The following CDKN2A variants were observed in gnomAD, a reference collection of about 807,000 sequenced individuals.
The protein encoded by CDKN2A is cyclin-dependent kinase inhibitor 2A.
In CDKN2A, 3 loss-of-function variants were observed where a neutral mutation model predicts 11.1. The observed-to-expected ratio is 0.27, with a 90% CI of 0.12 to 0.70. The LOEUF (loss-of-function observed/expected upper bound fraction) is 0.70, where lower values mean the gene tolerates loss of function less well. Ranked by LOEUF, CDKN2A falls within the 30% of genes least tolerant of loss-of-function variation. CDKN2A has a pLI of 0.77. For missense variants in CDKN2A, 265 were observed against 233.6 expected (o/e 1.13, Z -0.88); for synonymous variants, 122 against 108.1 (o/e 1.13, Z -0.80).
Position 21,991,826 on chromosome 9 carries a change from T to C in CDKN2A, c.-4+2056A>G. 12 of 985,162 alleles carry C rather than the reference T, an allele frequency of 1.2e-5. No homozygotes were observed. The highest frequency in any genetic ancestry group is 1.3e-5 in the Non-Finnish European group (11 of 829,672). The allele number at this position is 985,162 out of a possible 1,614,324, so 61.0% of individuals were successfully genotyped here. A position where few individuals can be genotyped will look rare whatever the true frequency, so the allele number is the denominator to read the frequency against. ...GGGCTATGGTTCACTTGGAACACAATACAAACTGTGAATCATGTACACATG... is the reference window on the plus strand; with the variant it reads ...GGGCTATGGTTCACTTGGAACACAACACAAACTGTGAATCATGTACACATG... On this transcript the variant is annotated intron_variant, in intron 2 of 3. Coordinates refer to the CDKN2A transcript ENST00000494262. This position sits in a 1 kb window ranked among gnomAD's most constrained non-coding sequence, Gnocchi z 5.2.
chr9:21,972,776 G>A (rs1245303258), intron 1 of CDKN2A, among the ~76,000 whole-genome samples: 2 of 152,140 alleles, frequency 1.3e-5, no homozygotes, highest in African/African-American at 2.4e-5. Flanking sequence ...TTAAAATACT[G>A]TCTGCAGTCA....
intron 1 of CDKN2A, among the ~76,000 whole-genome samples, chr9:21,971,574 G>C (rs189146471): frequency 3.7e-5 from 2 of 54,088 alleles, no homozygotes; most frequent in African/African-American, 3.2e-4. Context: ...TAGGCCTGGA[G>C]ATTTTTTTTT....
At position 21,968,519 on chromosome 9, in the gene CDKN2A, C is replaced by T; in HGVS notation, c.458-277G>A. 6.9e-7 allele frequency: 1 copy of T among 1,450,640 alleles called. No homozygotes were observed. Among genetic ancestry groups the T allele is most frequent in the African/African-American group, 1.4e-5 (1 of 70,244 alleles). The allele number at this position is 1,450,640 out of a possible 1,614,324, so 89.9% of individuals were successfully genotyped here. On this transcript the variant is annotated intron_variant, in intron 2 of 2. Coordinates refer to ENST00000304494, the MANE Select transcript of CDKN2A (RefSeq NM_000077.5). This position sits in a 1 kb window ranked among gnomAD's most constrained non-coding sequence, Gnocchi z 4.7. ...GCAGAGAAAGCGCGACCGCGCGGCC[C>T]GCAGGGTTGCAAGAAGAAAACGAGT...
intron 1 of CDKN2A, among the ~76,000 whole-genome samples, chr9:21,972,523 C>T (rs2131102574): frequency 6.6e-6 from 1 of 152,246 alleles, no homozygotes; most frequent in African/African-American, 2.4e-5. Flanking sequence ...AAACAGATTG[C>T]CCCTTAGAGT....
upstream of CDKN2A, among the ~76,000 whole-genome samples, chr9:21,978,588 A>G (rs1820095970): frequency 6.6e-6 from 1 of 152,228 alleles, no homozygotes; most frequent in Non-Finnish European, 1.5e-5. Context: ...TGTTATTATT[A>G]TTCTCACACT....
At chr9:21,973,621 G>A (rs1034963573) in intron 1 of CDKN2A, among the ~76,000 whole-genome samples, 1 of 152,134 alleles carries the variant, frequency 6.6e-6, no homozygotes, top group Non-Finnish European at 1.5e-5. Context: ...CAAAACAGGA[G>A]TAGGGAGAGG....
intron 1 of CDKN2A, chr9:21,971,546 T>A (rs1819752054): frequency 2.8e-6 from 1 of 353,376 alleles, no homozygotes; most frequent in East Asian, 5.2e-5. Flanking sequence ...CTACTGAAAT[T>A]TCTTCCTGAA....
chr9:21,970,598 C>T (rs1819659609), intron 2 of CDKN2A: 1 of 588,944 alleles, frequency 1.7e-6, no homozygotes, highest in South Asian at 2.0e-5. Context: ...CCTCTTGAGT[C>T]TTCATTGCTC....
At chr9:21,994,649 T>G in intron 1 of CDKN2A, 1 of 315,272 alleles carries the variant, frequency 3.2e-6, no homozygotes, top group Non-Finnish European at 5.8e-6. Flanking sequence ...CCCGCGTTCC[T>G]CTCCCTCCCG....
At position 21,991,789 on chromosome 9, in the gene CDKN2A, T is replaced by G. The variant is rs1238328172; in HGVS notation, c.-4+2093A>C. The G allele has an allele frequency of 4.1e-5, 40 of 985,102 alleles. No homozygotes were observed. Among genetic ancestry groups the G allele is most frequent in the Non-Finnish European group, 4.6e-5 (38 of 829,778 alleles). The allele number at this position is 985,102 out of a possible 1,614,324, so 61.0% of individuals were successfully genotyped here. A position where few individuals can be genotyped will look rare whatever the true frequency, so the allele number is the denominator to read the frequency against. ...AAAGAAGTAAAATGAATATAAGTCT[T>G]GATTTCTGAAAGGGCTATGGTTCAC... On this transcript the variant is annotated intron_variant, in intron 2 of 3. Coordinates refer to the CDKN2A transcript ENST00000494262. This position sits in a 1 kb window ranked among gnomAD's most constrained non-coding sequence, Gnocchi z 5.2.
At position 21,970,989 on chromosome 9, in the gene CDKN2A, G is replaced by A. The variant is rs34170727; in HGVS notation, c.370C>T (p.Arg124Cys). 4.5e-5 allele frequency: 73 copies of A among 1,610,132 alleles called. No homozygotes were observed. In the South Asian group the frequency reaches 5.8e-4, roughly 13 times the overall value. Reference protein sequence around the residue: ...PVDLAEELGHRDVARYLRAAA... With the variant: ...PVDLAEELGHCDVARYLRAAA... Reference sequence around the variant, plus strand: ...GCGCGCAGGTACCGTGCGACATCGCGATGGCCCAGCTCCTCAGCCAGGTCC... The same window carrying A: ...GCGCGCAGGTACCGTGCGACATCGCAATGGCCCAGCTCCTCAGCCAGGTCC... The change falls in exon 2 of 3, where the codon CGC becomes TGC. Residue 124 changes from arginine to cysteine, a missense_variant. Coordinates refer to ENST00000304494, the MANE Select transcript of CDKN2A (RefSeq NM_000077.5).
rs1320346624 is a variant in CDKN2A at position 21,970,889 on chromosome 9, C to T, written c.457+13G>A. 1.2e-6 allele frequency: 2 copies of T among 1,610,308 alleles called. No individual in the cohort carries two copies. The highest frequency in any genetic ancestry group is 1.7e-6 in the Non-Finnish European group (2 of 1,179,868). ...GCTCTCAGGGTACAAATTCTCAGAT[C>T]ATCAGTCCTCACCTGAGGGACCTTC... On this transcript the variant is annotated intron_variant, in intron 2 of 2. Coordinates refer to ENST00000304494, the MANE Select transcript of CDKN2A (RefSeq NM_000077.5).
chr9:21,971,399 C>T (rs1819741231), intron 1 of CDKN2A, 191 bp from the exon 2 acceptor site: 1 of 1,446,858 alleles, frequency 6.9e-7, no homozygotes, highest in Admixed American at 2.6e-5. Flanking sequence ...ACAATGAATT[C>T]CATTATATCC....
At chr9:21,994,701 C>T (rs1341583500) in intron 1 of CDKN2A, 1 of 260,228 alleles carries the variant, frequency 3.8e-6, no homozygotes, top group African/African-American at 2.3e-5. Context: ...CCCACCCCCA[C>T]CACCATCTTC....
chr9:21,993,798 A>C, intron 2 of CDKN2A: 1 of 279,996 alleles, frequency 3.6e-6, no homozygotes, highest in Non-Finnish European at 6.3e-6. Context: ...CACCTTTCCT[A>C]CTGTGTGTGT....
Position 21,968,890 on chromosome 9 carries a change from A to G in CDKN2A, c.458-648T>C. On this transcript the variant is annotated intron_variant, in intron 2 of 2. Coordinates refer to ENST00000304494, the MANE Select transcript of CDKN2A (RefSeq NM_000077.5). This position sits in a 1 kb window ranked among gnomAD's most constrained non-coding sequence, Gnocchi z 4.7. ...TCTCCCGAGGCAGCATTTACACTTG[A>G]GAGTCTCAAGATTATTTTATTCCTG... is the stretch of plus-strand genomic sequence containing the variant. 1 of 938,534 alleles carries G rather than the reference A, an allele frequency of 1.1e-6. No individual in the cohort carries two copies. The highest frequency in any genetic ancestry group is 1.7e-6 in the Non-Finnish European group (1 of 605,762). The allele number at this position is 938,534 out of a possible 1,614,324, so 58.1% of individuals were successfully genotyped here. A position where few individuals can be genotyped will look rare whatever the true frequency, so the allele number is the denominator to read the frequency against.
intron 1 of CDKN2A, among the ~76,000 whole-genome samples, chr9:21,973,264 G>C (rs1008585856): frequency 6.6e-6 from 1 of 151,994 alleles, no homozygotes; most frequent in African/African-American, 2.4e-5. Context: ...AAAATGTGTA[G>C]GATGCTTAAA....
rs557274315 is a variant in CDKN2A at position 21,994,374 on chromosome 9, G to A, written c.-175-321C>T. ...GGCCGAGCTCGGCAGCCGCTGCGCC[G>A]CCCTTTGGCACCAGAGGTGAGCAGC... On this transcript the variant is annotated intron_variant, in intron 1 of 3. Transcript: ENST00000494262. 6.2e-6 allele frequency: 10 copies of A among 1,607,404 alleles called. No homozygotes were observed. The Admixed American group carries it at 1.7e-4, about 27-fold the overall frequency.
chr9:21,986,351 T>G (rs2131134484), intron 2 of CDKN2A, among the ~76,000 whole-genome samples: 1 of 152,148 alleles, frequency 6.6e-6, no homozygotes, highest in East Asian at 1.9e-4. Context: ...AAAAATAAAT[T>G]TTTGAAAGAT....
Sources: allele counts gnomAD v4.1 joint callset (sites outside exome capture counted in the v4.1 genomes callset), GRCh38; gene constraint gnomAD v4.1.1; non-coding constraint Gnocchi (gnomAD v3.1); transcripts MANE v1.5; gene names NCBI Gene and HGNC (gene_info 2026-07-23, HGNC 2026-07-21).